The following ELMO1 variants were observed in gnomAD, a reference collection of about 807,000 sequenced individuals.
ELMO1 encodes the protein engulfment and cell motility 1.
In ELMO1, 26 loss-of-function variants were observed where a neutral mutation model predicts 98.9. That is an observed-to-expected ratio of 0.26 (90% CI 0.19 to 0.36). The LOEUF is 0.36. ELMO1 is among the 10% of genes least tolerant of loss of function. ELMO1 has a pLI of 1.00. For synonymous variants in ELMO1, 346 were observed against 346.0 expected, an observed-to-expected ratio of 1.00 and a Z score of 0.00; for missense variants, 627 against 935.2, an observed-to-expected ratio of 0.67 and a Z score of 4.30.
intron 16 of ELMO1, among the ~76,000 whole-genome samples, chr7:36,946,159 G>A (rs1787465263): frequency 6.6e-6 from 1 of 152,240 alleles, no homozygotes; most frequent in South Asian, 2.1e-4. Flanking sequence ...GCTGCCATCT[G>A]TGGCGTTTCT....
chr7:37,003,355 T>A (rs1792820257), intron 16 of ELMO1, among the ~76,000 whole-genome samples: 1 of 152,044 alleles, frequency 6.6e-6, no homozygotes, highest in Non-Finnish European at 1.5e-5. Context: ...AGACAACGTC[T>A]CAAATACAAG....
At chr7:36,977,136 A>T (rs78061633) in intron 16 of ELMO1, among the ~76,000 whole-genome samples, 1 of 152,240 alleles carries the variant, frequency 6.6e-6, no homozygotes, top group Non-Finnish European at 1.5e-5. Context: ...AGAGACTGAG[A>T]ATTGGAGTCT....
At chr7:36,942,052 G>A (rs1293313119) in intron 16 of ELMO1, among the ~76,000 whole-genome samples, 4 of 152,132 alleles carry the variant, frequency 2.6e-5, no homozygotes, top group Admixed American at 2.0e-4. Flanking sequence ...AGTTTTAGAG[G>A]TAGAGGTTAA....
intron 15 of ELMO1, among the ~76,000 whole-genome samples, chr7:37,058,181 G>A (rs770220832): frequency 6.6e-6 from 1 of 152,058 alleles, no homozygotes; most frequent in Non-Finnish European, 1.5e-5. Flanking sequence ...GAGTTCCTTC[G>A]ACTCTATCAA....
chr7:36,943,142 G>C (rs1296641513), intron 16 of ELMO1, among the ~76,000 whole-genome samples: 2 of 152,138 alleles, frequency 1.3e-5, no homozygotes, highest in Non-Finnish European at 2.9e-5. Context: ...CTGTACACTG[G>C]GGACAACGCT....
At chr7:37,241,614 T>A (rs767680102) in intron 7 of ELMO1, among the ~76,000 whole-genome samples, 2 of 152,160 alleles carry the variant, frequency 1.3e-5, no homozygotes, top group African/African-American at 4.8e-5. Context: ...TCAAATTTTT[T>A]TAGTAGTCTG....
chr7:37,427,018 C>T (rs1483120098), intron 1 of ELMO1, among the ~76,000 whole-genome samples: 6 of 151,110 alleles, frequency 4.0e-5, no homozygotes, highest in Admixed American at 2.0e-4. Flanking sequence ...TCTTTTTTCC[C>T]GAAAAAAAGA....
At chr7:37,155,503 A>ATAAAAAAT (rs1554427526) in intron 13 of ELMO1, among the ~76,000 whole-genome samples, 1 of 131,738 alleles carries the variant, frequency 7.6e-6, no homozygotes, top group Non-Finnish European at 1.6e-5. Context: ...AAAAAAAAAA[A>ATAAAAAAT]AAAAAGCAGG....
chr7:37,185,438 T>C (rs927991976), intron 13 of ELMO1, among the ~76,000 whole-genome samples: 3 of 152,244 alleles, frequency 2.0e-5, no homozygotes, highest in Non-Finnish European at 4.4e-5. Flanking sequence ...TGAGTATTTA[T>C]GTGATAACTG....
chr7:36,955,048 CAG>C (rs1289877429), intron 16 of ELMO1, among the ~76,000 whole-genome samples: 2 of 152,206 alleles, frequency 1.3e-5, no homozygotes, highest in Non-Finnish European at 1.5e-5. Flanking sequence ...CCCATTTCTA[CAG>C]AGTTTTATGG....
intron 20 of ELMO1, among the ~76,000 whole-genome samples, chr7:36,864,685 G>A (rs1802892184): frequency 6.6e-6 from 1 of 152,194 alleles, no homozygotes; most frequent in African/African-American, 2.4e-5. Flanking sequence ...AGGTGGTGGT[G>A]GAGTAGACTG....
chr7:36,970,196 C>T (rs1298563192), intron 16 of ELMO1, among the ~76,000 whole-genome samples: 3 of 149,790 alleles, frequency 2.0e-5, no homozygotes, highest in African/African-American at 4.9e-5. Context: ...CACACACACA[C>T]ACACACACAC....
chr7:37,244,173 G>A (rs1794886583), intron 7 of ELMO1, among the ~76,000 whole-genome samples, 183 bp downstream of exon 7: 1 of 151,674 alleles, frequency 6.6e-6, no homozygotes, highest in African/African-American at 2.4e-5. Flanking sequence ...AAAAAAGGGG[G>A]GAAAATACAT....
At chr7:37,279,717 G>T (rs1053223079) in intron 4 of ELMO1, among the ~76,000 whole-genome samples, 1 of 152,190 alleles carries the variant, frequency 6.6e-6, no homozygotes, top group Non-Finnish European at 1.5e-5. Context: ...ATTACCACCT[G>T]GCACCACAGG....
At chr7:36,859,863 C>G (rs1802478186) in intron 21 of ELMO1, among the ~76,000 whole-genome samples, 1 of 151,898 alleles carries the variant, frequency 6.6e-6, no homozygotes, top group African/African-American at 2.4e-5. Flanking sequence ...AAAACTTATA[C>G]CAAGTGTGCC....
At chr7:37,420,705 T>C (rs1804437385) in intron 1 of ELMO1, among the ~76,000 whole-genome samples, 1 of 152,198 alleles carries the variant, frequency 6.6e-6, no homozygotes, top group Admixed American at 6.5e-5. Context: ...ATTAGGGGAA[T>C]AGGAGAATGC....
chr7:37,192,508 A>AAC (rs1453811143), intron 13 of ELMO1, among the ~76,000 whole-genome samples: 2 of 149,778 alleles, frequency 1.3e-5, no homozygotes, highest in East Asian at 3.9e-4. Context: ...AAAAAAAAAA[A>AAC]AAAAAACTGG....
intron 20 of ELMO1, among the ~76,000 whole-genome samples, chr7:36,866,952 G>C (rs1007020441): frequency 6.6e-6 from 1 of 152,128 alleles, no homozygotes; most frequent in African/African-American, 2.4e-5. Context: ...TCTGCCTTTT[G>C]ATGTTTTGCT....
chr7:36,971,920 C>T (rs898944963), intron 16 of ELMO1, among the ~76,000 whole-genome samples: 3 of 152,140 alleles, frequency 2.0e-5, no homozygotes, highest in African/African-American at 7.2e-5. Context: ...TTAAACCTCT[C>T]TAACATTTGT....
Sources: gnomAD v4.1 joint callset for allele counts (sites outside exome capture counted in the v4.1 genomes callset) on GRCh38, gnomAD v4.1.1 for gene constraint, MANE v1.5 for transcripts, NCBI Gene and HGNC (gene_info 2026-07-23, HGNC 2026-07-21) for gene names.